The following TMEM163 variants were observed in gnomAD, a reference collection of about 807,000 sequenced individuals.
TMEM163 encodes transmembrane protein 163.
A neutral mutation model predicts 29.3 loss-of-function variants in TMEM163; 17 were observed. That is an observed-to-expected ratio of 0.58 (90% CI 0.40 to 0.87). TMEM163 has a LOEUF of 0.87. Among genes scored for constraint, TMEM163 ranks in the 40% least tolerant of loss-of-function variants. The probability of loss-of-function intolerance (pLI) is 0.00; values close to 1 mark genes in which losing one functional copy is unlikely to be tolerated. For synonymous variants in TMEM163, 157 were observed against 160.6 expected, an observed-to-expected ratio of 0.98 and a Z score of 0.17; for missense variants, 303 against 381.5, an observed-to-expected ratio of 0.79 and a Z score of 1.71.
intron 2 of TMEM163, among the ~76,000 whole-genome samples, chr2:134,636,594 A>C (rs961938237): frequency 1.3e-5 from 2 of 152,210 alleles, no homozygotes; most frequent in African/African-American, 4.8e-5. Context: ...AAAGTTTAAA[A>C]CAAAGACCAT....
intron 2 of TMEM163, among the ~76,000 whole-genome samples, chr2:134,573,634 G>C (rs1167104869): frequency 6.6e-6 from 1 of 152,216 alleles, no homozygotes; most frequent in African/African-American, 2.4e-5. Context: ...TGAGAGGGTG[G>C]AGACAGATGT....
intron 2 of TMEM163, among the ~76,000 whole-genome samples, chr2:134,612,185 AT>A (rs1682518803): frequency 6.6e-6 from 1 of 152,192 alleles, no homozygotes; most frequent in Non-Finnish European, 1.5e-5. Context: ...TACAAACTTT[AT>A]TTGACTGGGC....
chr2:134,699,256 T>G (rs979417942), intron 2 of TMEM163, among the ~76,000 whole-genome samples: 1 of 152,072 alleles, frequency 6.6e-6, no homozygotes, highest in African/African-American at 2.4e-5. Flanking sequence ...GTAATCCCAG[T>G]ACTTTGGGAG....
At chr2:134,672,224 G>T (rs980480331) in intron 2 of TMEM163, among the ~76,000 whole-genome samples, 1 of 152,122 alleles carries the variant, frequency 6.6e-6, no homozygotes, top group African/African-American at 2.4e-5. Flanking sequence ...CATTAAATAA[G>T]AATAAAAATA....
At chr2:134,578,993 G>A (rs960633570) in intron 2 of TMEM163, among the ~76,000 whole-genome samples, 5 of 152,156 alleles carry the variant, frequency 3.3e-5, no homozygotes, top group Non-Finnish European at 5.9e-5. Context: ...AAAGGAAGTA[G>A]ATGGTTCAGT....
chr2:134,552,220 T>C, intron 2 of TMEM163, 129 bp from the exon 3 acceptor site: 1 of 644,548 alleles, frequency 1.6e-6, no homozygotes, highest in East Asian at 3.1e-5. Flanking sequence ...AAATTAACTG[T>C]ACTTGTAAAA....
intron 5 of TMEM163, among the ~76,000 whole-genome samples, chr2:134,495,591 T>A (rs1274542054): frequency 1.3e-5 from 2 of 152,176 alleles, no homozygotes; most frequent in African/African-American, 2.4e-5. Flanking sequence ...TGGGAAAAGT[T>A]CTTGGCTGGG....
chr2:134,484,872 G>A (rs1330533746), intron 5 of TMEM163, among the ~76,000 whole-genome samples: 1 of 152,214 alleles, frequency 6.6e-6, no homozygotes, highest in Admixed American at 6.5e-5. Context: ...ATGTTACTTA[G>A]AGGTGTGGAG....
intron 2 of TMEM163, among the ~76,000 whole-genome samples, chr2:134,565,712 A>G (rs547741594): frequency 2.6e-5 from 4 of 152,362 alleles, no homozygotes; most frequent in African/African-American, 9.6e-5. Context: ...CAGCACAAAC[A>G]TTGGTCAATA....
intron 2 of TMEM163, among the ~76,000 whole-genome samples, chr2:134,687,614 C>T (rs1258892118): frequency 1.3e-5 from 2 of 152,150 alleles, no homozygotes; most frequent in African/African-American, 4.8e-5. Context: ...AAATGCCATT[C>T]AACTGTGCAA....
chr2:134,553,561 G>A (rs2106508573), intron 2 of TMEM163, among the ~76,000 whole-genome samples: 1 of 152,360 alleles, frequency 6.6e-6, no homozygotes, highest in East Asian at 1.9e-4. Flanking sequence ...GCGCTGGGGA[G>A]AGTGAACCAC....
intron 4 of TMEM163, among the ~76,000 whole-genome samples, chr2:134,513,510 A>G (rs890885409): frequency 9.2e-5 from 14 of 152,210 alleles, no homozygotes; most frequent in Admixed American, 5.2e-4. Context: ...GTGAGACCCA[A>G]CCCTGTGGAG....
At chr2:134,626,100 T>G in intron 2 of TMEM163, among the ~76,000 whole-genome samples, 1 of 123,110 alleles carries the variant, frequency 8.1e-6, no homozygotes, top group East Asian at 2.1e-4. Context: ...CCAGCTTTTT[T>G]TTTTTTTTTT....
chr2:134,682,111 A>G (rs911911231), intron 2 of TMEM163, among the ~76,000 whole-genome samples: 2 of 152,190 alleles, frequency 1.3e-5, no homozygotes, highest in Non-Finnish European at 2.9e-5. Flanking sequence ...ACAGAAAATG[A>G]CTGGTGTGAG....
At chr2:134,466,352 G>A (rs940800080) in intron 5 of TMEM163, 127 bp from the exon 6 acceptor site, 2 of 697,534 alleles carry the variant, frequency 2.9e-6, no homozygotes, top group Middle Eastern at 2.4e-4. Context: ...ACCAGGTGGG[G>A]GTATACTGCA....
At chr2:134,537,666 C>T (rs1388801629) in intron 4 of TMEM163, among the ~76,000 whole-genome samples, 1 of 152,186 alleles carries the variant, frequency 6.6e-6, no homozygotes, top group Non-Finnish European at 1.5e-5. Context: ...CACTAATAAC[C>T]TGCTATCCTA....
chr2:134,587,208 C>T (rs1426461275), intron 2 of TMEM163, among the ~76,000 whole-genome samples: 4 of 152,106 alleles, frequency 2.6e-5, no homozygotes, highest in African/African-American at 4.8e-5. Flanking sequence ...GTCAGGAGTT[C>T]GAGACCAACC....
intron 6 of TMEM163, among the ~76,000 whole-genome samples, chr2:134,462,204 C>T (rs1207131233): frequency 2.0e-5 from 3 of 152,072 alleles, no homozygotes; most frequent in African/African-American, 7.2e-5. Flanking sequence ...TTCATCCCCA[C>T]GCTGACCATT....
chr2:134,471,401 G>A (rs1260396436), intron 5 of TMEM163, among the ~76,000 whole-genome samples: 3 of 152,100 alleles, frequency 2.0e-5, no homozygotes, highest in African/African-American at 4.8e-5. Context: ...CCAAGGAAAG[G>A]CCACATGAGG....
Sources: allele counts gnomAD v4.1 joint callset (sites outside exome capture counted in the v4.1 genomes callset), GRCh38; gene constraint gnomAD v4.1.1; transcripts MANE v1.5; gene names NCBI Gene and HGNC (gene_info 2026-07-23, HGNC 2026-07-21).